Variants in GPM6A observed in about 807,000 individuals in gnomAD.
GPM6A encodes the protein glycoprotein M6A, also known as neuronal membrane glycoprotein M6-a.
GPM6A carries 7 observed loss-of-function variants against 32.1 expected under a neutral mutation model. The observed-to-expected ratio is 0.22, with a 90% CI of 0.12 to 0.41. The LOEUF is 0.41. Ranked by LOEUF, GPM6A falls within the 10% of genes least tolerant of loss-of-function variation. The probability of loss-of-function intolerance (pLI) is 1.00; values close to 1 mark genes in which losing one functional copy is unlikely to be tolerated. For missense variants in GPM6A, 235 were observed against 347.2 expected (o/e 0.68, Z 2.57); for synonymous variants, 130 against 123.4 (o/e 1.05, Z -0.35).
At chr4:175,693,409 C>T (rs1028645843) in intron 2 of GPM6A, among the ~76,000 whole-genome samples, 4 of 151,420 alleles carry the variant, frequency 2.6e-5, no homozygotes, top group Non-Finnish European at 5.9e-5. Context: ...CATGATTGCT[C>T]AATTTGTGAA....
chr4:175,812,300 GGTT>G (rs2111332552), upstream of GPM6A: 2 of 418,778 alleles, frequency 4.8e-6, 1 homozygote. Context: ...AAAAACTGGG[GGTT>G]TTTTTTTTTT....
Position 175,673,788 on chromosome 4 carries a change from A to G in GPM6A, c.279T>C (p.Phe93=). The G allele has an allele frequency of 6.2e-7, 1 of 1,611,958 alleles. No individual in the cohort carries two copies. Among genetic ancestry groups the G allele is most frequent in the Non-Finnish European group, 8.5e-7 (1 of 1,178,268 alleles). ...YVIYGIAAAF[F]VYGILLMVEG... ...CCACCATCAGCAAAATGCCATACACAAAGAACGCAGCTGCGATGCCGTAGA... is the reference window on the plus strand; with the variant it reads ...CCACCATCAGCAAAATGCCATACACGAAGAACGCAGCTGCGATGCCGTAGA... Residue 93 remains phenylalanine (F), a synonymous_variant, in exon 3 of 7, where the codon TTT becomes TTC. Coordinates refer to ENST00000393658, the MANE Select transcript of GPM6A (RefSeq NM_201591.3).
At chr4:175,930,442 G>GGGGGT (rs1560998970) in intron 1 of GPM6A, among the ~76,000 whole-genome samples, 1 of 95,264 alleles carries the variant, frequency 1.0e-5, no homozygotes, top group African/African-American at 3.1e-5. Flanking sequence ...GGGTTTTTTT[G>GGGGGT]TTGTTGTTTT....
chr4:175,661,349 C>T (rs56324248), intron 3 of GPM6A, among the ~76,000 whole-genome samples: 6,907 of 150,692 alleles, frequency 0.046, 179 homozygotes, highest in Non-Finnish European at 0.061. Context: ...CCAGGAGAAT[C>T]ACTTGAACCC....
chr4:175,958,521 C>G (rs1365951814), intron 1 of GPM6A, among the ~76,000 whole-genome samples: 1 of 152,194 alleles, frequency 6.6e-6, no homozygotes, highest in Non-Finnish European at 1.5e-5. Flanking sequence ...GATAGGGTGA[C>G]ATGTAAAAAT....
chr4:175,954,501 T>C lies in GPM6A; in HGVS notation c.-23+47808A>G, dbSNP rs184911790. On this transcript the variant is annotated intron_variant, in intron 1 of 7. Transcript: ENST00000280187. ...GTTTTAATTAAAATGTGTAGAGTAC[T>C]GAGGACAGTGGCTAGCAAATAATAT... Among the ~76,000 whole-genome samples the C allele has an allele frequency of 5.3e-3, 800 of 152,314 alleles. 3 individuals carry two copies. The highest frequency in any genetic ancestry group is 8.5e-3 in the Non-Finnish European group (575 of 68,026).
At position 175,859,535 on chromosome 4, in the gene GPM6A, G is replaced by A. The variant is rs190233973; in HGVS notation, c.-22-47286C>T. 3.7e-3 allele frequency among the ~76,000 whole-genome samples: 568 copies of A among 152,184 alleles called. 2 individuals are homozygous for A. The highest frequency in any genetic ancestry group is 7.0e-3 in the Non-Finnish European group (479 of 67,990). Reference sequence around the variant, plus strand: ...TGTCCTAGAGAAAATATATCCATACGCTTCTATGAAGTCTATGTTTACTGT... The same window carrying A: ...TGTCCTAGAGAAAATATATCCATACACTTCTATGAAGTCTATGTTTACTGT... On this transcript the variant is annotated intron_variant, in intron 1 of 7. Transcript: ENST00000280187.
At chr4:175,924,137 G>A (rs74889439) in intron 1 of GPM6A, among the ~76,000 whole-genome samples, 19 of 152,236 alleles carry the variant, frequency 1.2e-4, no homozygotes, top group Admixed American at 3.3e-4. Flanking sequence ...TATTAGTAGC[G>A]TGTGGGAATC....
intron 1 of GPM6A, among the ~76,000 whole-genome samples, chr4:175,959,405 T>A (rs1036708176): frequency 1.3e-5 from 2 of 151,952 alleles, no homozygotes; most frequent in Admixed American, 1.3e-4. Context: ...CATCTAGAAA[T>A]GATCCTGAAT....
chr4:175,888,875 G>A (rs1287683229), intron 1 of GPM6A, among the ~76,000 whole-genome samples: 9 of 152,000 alleles, frequency 5.9e-5, no homozygotes, highest in Admixed American at 3.9e-4. Context: ...TCTACAAAAA[G>A]CTAAGTCAGC....
At chr4:175,912,104 T>C (rs1483020451) in intron 1 of GPM6A, among the ~76,000 whole-genome samples, 4 of 152,070 alleles carry the variant, frequency 2.6e-5, no homozygotes, top group Admixed American at 6.6e-5. Flanking sequence ...TTGGAAATGC[T>C]CCCAGCCAGG....
At chr4:175,778,627 C>CAAAAAAAAAAAAAAAAAAAAAAAAAAAAA (rs34286041) in intron 1 of GPM6A, among the ~76,000 whole-genome samples, 2 of 75,202 alleles carry the variant, frequency 2.7e-5, no homozygotes, top group African/African-American at 5.1e-5. Flanking sequence ...CTGTATCCAA[C>CAAAAAAAAAAAAAAAAAAAAAAAAAAAAA]AAAAAAAAAA....
chr4:175,850,407 G>A (rs554447314), intron 1 of GPM6A, among the ~76,000 whole-genome samples: 10 of 152,126 alleles, frequency 6.6e-5, no homozygotes, highest in South Asian at 2.1e-4. Context: ...TGAGGGCAAC[G>A]GGAAGAGAGG....
At position 175,711,409 on chromosome 4, in the gene GPM6A, AATATATATATATATATATATATATAT is replaced by A. The variant is rs36105210; in HGVS notation, c.38-9668_38-9643del. 6.8e-3 allele frequency among the ~76,000 whole-genome samples: 361 copies of A among 53,296 alleles called. 17 individuals are homozygous for A. Among genetic ancestry groups the A allele is most frequent in the African/African-American group, 0.028 (339 of 11,978 alleles). 35.0% of individuals were successfully genotyped at this position (53,296 alleles called of 152,430 possible). A position where few individuals can be genotyped will look rare whatever the true frequency, so the allele number is the denominator to read the frequency against. On this transcript the variant is annotated intron_variant, in intron 1 of 6. Transcript: ENST00000393658. The stretch of plus-strand genomic sequence containing the variant: ...TTAAAAAGGGCACACTGGCACACCA[AATATATATATATATATATATATATAT>A]ATATATATATATATATATATATACA...
At chr4:175,999,640 T>G (rs962412996) in intron 1 of GPM6A, among the ~76,000 whole-genome samples, 2 of 152,166 alleles carry the variant, frequency 1.3e-5, no homozygotes, top group Non-Finnish European at 2.9e-5. Flanking sequence ...GAGTTCAGAT[T>G]TCTTCTTCTA....
At chr4:175,809,182 T>C (rs1047503970) in intron 1 of GPM6A, among the ~76,000 whole-genome samples, 13 of 152,296 alleles carry the variant, frequency 8.5e-5, no homozygotes, top group African/African-American at 2.4e-4. Context: ...CTAGAAACAG[T>C]TGCATGGCTA....
chr4:175,964,940 C>T (rs905180715), intron 1 of GPM6A, among the ~76,000 whole-genome samples: 4 of 152,188 alleles, frequency 2.6e-5, no homozygotes, highest in African/African-American at 9.6e-5. Context: ...GGCAAAAACT[C>T]AAAGAACTGC....
intron 1 of GPM6A, chr4:175,781,143 GAAC>G (rs1733599646): frequency 6.6e-6 from 1 of 151,616 alleles, no homozygotes; most frequent in Non-Finnish European, 1.5e-5. Context: ...AAAAAAAATA[GAAC>G]AAAAAAGATA....
intron 1 of GPM6A, among the ~76,000 whole-genome samples, chr4:175,761,077 G>T (rs928227347): frequency 4.6e-5 from 7 of 151,976 alleles, no homozygotes; most frequent in African/African-American, 7.2e-5. Flanking sequence ...ACTTTGAGAA[G>T]CAATGACACA....
Sources: allele counts gnomAD v4.1 joint callset (sites outside exome capture counted in the v4.1 genomes callset), GRCh38; gene constraint gnomAD v4.1.1; transcripts MANE v1.5; gene names NCBI Gene and HGNC (gene_info 2026-07-23, HGNC 2026-07-21).